Variants in FREM2 observed in about 807,000 individuals in gnomAD.
FREM2 encodes the protein FRAS1-related extracellular matrix protein 2.
In FREM2, 119 loss-of-function variants were observed where a neutral mutation model predicts 219.9. That is an observed-to-expected ratio of 0.54 (90% CI 0.47 to 0.63). The LOEUF is 0.63. Ranked by LOEUF, FREM2 falls within the 30% of genes least tolerant of loss-of-function variation. FREM2 has a pLI of 0.00. For synonymous variants in FREM2, 1,562 were observed against 1,522.8 expected (o/e 1.03, Z -0.60); for missense variants, 4,030 against 3,993.6 (o/e 1.01, Z -0.25).
intron 7 of FREM2, among the ~76,000 whole-genome samples, chr13:38,848,097 A>G (rs1268989542): frequency 5.9e-5 from 9 of 152,254 alleles, no homozygotes; most frequent in Non-Finnish European, 1.0e-4. Context: ...TCTATTTCAT[A>G]TGTAATTTAT....
Position 38,850,944 on chromosome 13 carries a change from G to C in FREM2, c.6578G>C (p.Gly2193Ala), listed in dbSNP as rs1219104033. 6.2e-7 allele frequency: 1 copy of C among 1,611,248 alleles called. No individual in the cohort carries two copies. Among genetic ancestry groups the C allele is most frequent in the African/African-American group, 1.3e-5 (1 of 74,864 alleles). Reference sequence around the variant, plus strand: ...TGACCTGCTGACATTATTGTTCCAGGTGAGACAGAAAAGCCCTGCATTCTT... The same window carrying C: ...TGACCTGCTGACATTATTGTTCCAGCTGAGACAGAAAAGCCCTGCATTCTT... ...TDTSIITFLP[G>A]ETEKPCILEL... Residue 2193 changes from glycine to alanine, a missense_variant and splice_region_variant, in exon 10 of 24, where the codon GGT (glycine) becomes GCT (alanine). This residue lies in a region of FREM2 where 3,102 missense variants were observed against 2,950.7 expected (regional missense o/e 1.05). Coordinates refer to ENST00000280481, the MANE Select transcript of FREM2 (RefSeq NM_207361.6).
At position 38,764,316 on chromosome 13, in the gene FREM2, T is replaced by C. The variant is rs750450348; in HGVS notation, c.5276T>C (p.Leu1759Ser). 44 of 1,612,000 alleles carry C rather than the reference T, an allele frequency of 2.7e-5. No individual in the cohort carries two copies. The highest frequency in any genetic ancestry group is 3.6e-5 in the Non-Finnish European group (43 of 1,178,346). Residue 1759 changes from leucine (L) to serine (S), a missense_variant, in exon 3 of 24, where the codon TTA becomes TCA. Leu to Ser is a moderately radical substitution (Grantham distance 145). Coordinates refer to ENST00000280481, the MANE Select transcript of FREM2 (RefSeq NM_207361.6). ...FAVEDGGGNKLTYQNFRLNWA... is the reference protein window; with the variant it reads ...FAVEDGGGNKSTYQNFRLNWA... ...TTTTATTTTCAAGGTGGAAACAAGT[T>C]AACGTACCAGAATTTTCGTCTGAAT...
chr13:38,696,786 T>G (rs1397670046), intron 1 of FREM2, among the ~76,000 whole-genome samples: 2 of 151,932 alleles, frequency 1.3e-5, no homozygotes, highest in Non-Finnish European at 2.9e-5. Context: ...CAATATAACT[T>G]TCTGCCATGA....
At chr13:38,773,947 T>G (rs1230885818) in intron 4 of FREM2, among the ~76,000 whole-genome samples, 1 of 151,498 alleles carries the variant, frequency 6.6e-6, no homozygotes, top group Non-Finnish European at 1.5e-5. Context: ...AACTAATAAG[T>G]GCCAGAGGCA....
At chr13:38,718,768 A>G (rs1871108766) in intron 2 of FREM2, among the ~76,000 whole-genome samples, 1 of 152,222 alleles carries the variant, frequency 6.6e-6, no homozygotes, top group African/African-American at 2.4e-5. Context: ...TGCAAGATTT[A>G]TGGTGGCAGG....
chr13:38,745,886 C>T (rs1872460982), intron 2 of FREM2, among the ~76,000 whole-genome samples: 1 of 152,164 alleles, frequency 6.6e-6, no homozygotes. Context: ...CTCCTTCTTT[C>T]TTCCCCAGCT....
At chr13:38,792,529 T>C (rs540749407) in intron 6 of FREM2, among the ~76,000 whole-genome samples, 202 of 152,290 alleles carry the variant, frequency 1.3e-3, no homozygotes, top group Non-Finnish European at 2.0e-3. Context: ...TATTTTAATA[T>C]GTTGTTATAA....
chr13:38,697,652 A>G (rs1302282366), intron 1 of FREM2, 46 bp from the exon 2 acceptor site: 1 of 1,108,946 alleles, frequency 9.0e-7, no homozygotes, highest in Non-Finnish European at 1.4e-6. Flanking sequence ...TGAATCATCA[A>G]TTTTACTCTG....
chr13:38,689,523 C>A lies in FREM2; in HGVS notation c.2179C>A (p.Arg727Ser). The A allele has an allele frequency of 1.2e-6, 2 of 1,613,944 alleles. No individual in the cohort carries two copies. The highest frequency in any genetic ancestry group is 1.7e-6 in the Non-Finnish European group (2 of 1,179,954). Residue 727 changes from arginine (R) to serine (S), a missense_variant, in exon 1 of 24, where the codon CGC (arginine) becomes AGC (serine). Coordinates refer to ENST00000280481, the MANE Select transcript of FREM2 (RefSeq NM_207361.6). ...QLTPLRKKWLRYTDLDTDDRE... is the reference protein window; with the variant it reads ...QLTPLRKKWLSYTDLDTDDRE... ...CACACCACTGAGGAAGAAGTGGCTG[C>A]GCTACACTGACCTGGACACAGATGA...
intron 6 of FREM2, among the ~76,000 whole-genome samples, chr13:38,825,176 C>G (rs1876232145): frequency 6.6e-6 from 1 of 152,016 alleles, no homozygotes; most frequent in African/African-American, 2.4e-5. Context: ...GACAACTGTG[C>G]AATGCTGTGT....
At chr13:38,782,040 T>G (rs563515864) in intron 4 of FREM2, among the ~76,000 whole-genome samples, 1 of 152,194 alleles carries the variant, frequency 6.6e-6, no homozygotes, top group Admixed American at 6.5e-5. Context: ...GGAGCCAGAA[T>G]GTAAGGGAAA....
intron 6 of FREM2, among the ~76,000 whole-genome samples, chr13:38,815,770 G>A (rs1286713597): frequency 6.6e-6 from 1 of 152,198 alleles, no homozygotes; most frequent in Non-Finnish European, 1.5e-5. Context: ...AGATCCCATA[G>A]TGAGAGATCC....
intron 6 of FREM2, among the ~76,000 whole-genome samples, chr13:38,813,068 T>C (rs891203159): frequency 6.6e-6 from 1 of 152,160 alleles, no homozygotes; most frequent in Non-Finnish European, 1.5e-5. Context: ...CATCCTGTAG[T>C]CTTTCTACTT....
chr13:38,805,512 G>C (rs1231173410), intron 6 of FREM2, among the ~76,000 whole-genome samples: 1 of 151,910 alleles, frequency 6.6e-6, no homozygotes, highest in South Asian at 2.1e-4. Flanking sequence ...GTGAAACCAG[G>C]CAATAGGCCG....
rs762896753 is a variant in FREM2, at chr13:38,690,586, A to C, written c.3242A>C (p.Asp1081Ala). 1 of 1,614,138 alleles carries C rather than the reference A, an allele frequency of 6.2e-7. No individual in the cohort carries two copies. Among genetic ancestry groups the C allele is most frequent in the South Asian group, 1.1e-5 (1 of 91,090 alleles). ...VGEQLIVMEG[D>A]KSVITSVHIS... ...GAACAGTTGATAGTAATGGAAGGTG[A>C]TAAAAGTGTTATAACATCAGTGCAT... Residue 1081 changes from aspartate to alanine, a missense_variant, in exon 1 of 24, where the codon GAT (aspartate) becomes GCT (alanine). Around this residue, in one of 2 missense-constraint regions of FREM2, gnomAD observed 3,102 missense variants for 2,950.7 expected, o/e 1.05. Coordinates refer to ENST00000280481, the MANE Select transcript of FREM2 (RefSeq NM_207361.6).
At chr13:38,875,891 A>C in intron 18 of FREM2, 131 bp from the exon 19 acceptor site, 1 of 870,830 alleles carries the variant, frequency 1.1e-6, no homozygotes, top group Non-Finnish European at 1.9e-6. Flanking sequence ...ACTAACCATG[A>C]CTGCTTTGCA....
intron 2 of FREM2, among the ~76,000 whole-genome samples, chr13:38,759,249 A>G (rs1028390112): frequency 4.6e-5 from 7 of 152,180 alleles, no homozygotes; most frequent in Non-Finnish European, 1.0e-4. Flanking sequence ...GAAATTACCA[A>G]CAATATTTTC....
At chr13:38,788,907 G>A (rs781348072) in intron 6 of FREM2, among the ~76,000 whole-genome samples, 6 of 152,094 alleles carry the variant, frequency 3.9e-5, no homozygotes, top group Non-Finnish European at 7.4e-5. Context: ...TTTATTGAAC[G>A]TATTACATAA....
rs1244255376 is a variant in FREM2, at chr13:38,687,340, G to A, written c.-5G>A. The A allele has an allele frequency of 1.3e-6, 2 of 1,599,274 alleles. No individual in the cohort carries two copies. Among genetic ancestry groups the A allele is most frequent in the African/African-American group, 2.7e-5 (2 of 74,726 alleles). On this transcript the variant is annotated 5_prime_UTR_variant, in exon 1 of 24. Coordinates refer to ENST00000280481, the MANE Select transcript of FREM2 (RefSeq NM_207361.6). ...CTGACCTGTCCAAGCCCGAACACCG[G>A]GACCATGCACTCAGCCGGGACTCCC...
Sources: allele counts gnomAD v4.1 joint callset (sites outside exome capture counted in the v4.1 genomes callset), GRCh38; gene constraint gnomAD v4.1.1; regional missense constraint gnomAD v4.1.1; transcripts MANE v1.5; gene names NCBI Gene and HGNC (gene_info 2026-07-23, HGNC 2026-07-21).